The following RBMS3 variants were observed in gnomAD, a reference collection of about 807,000 sequenced individuals.
The protein encoded by RBMS3 is RNA binding motif single stranded interacting protein 3, also known as RNA-binding motif, single-stranded-interacting protein 3.
RBMS3 carries 27 observed loss-of-function variants against 66.8 expected under a neutral mutation model. That is an observed-to-expected ratio of 0.40 (90% confidence interval 0.30 to 0.56). The LOEUF is 0.56. Ranked by LOEUF, RBMS3 falls within the 20% of genes least tolerant of loss-of-function variation. The probability of loss-of-function intolerance (pLI) is 0.40; values close to 1 mark genes in which losing one functional copy is unlikely to be tolerated. For missense variants in RBMS3, 513 were observed against 549.5 expected (o/e 0.93, Z 0.66); for synonymous variants, 188 against 183.0 (o/e 1.03, Z -0.22).
In RBMS3 at chr3:29,727,549, G is replaced by C. The variant is rs150137166; in HGVS notation, c.400-12171G>C. Among the ~76,000 whole-genome samples the C allele has an allele frequency of 8.0e-3, 1,210 of 152,092 alleles. 19 individuals are homozygous for C. Among genetic ancestry groups the C allele is most frequent in the African/African-American group, 0.027 (1,140 of 41,490 alleles). ...CAACCCTATCAAAAAGTAGGCAAAG[G>C]ATATGAACAGACACTTCCCAAAAGA... On this transcript the variant is annotated intron_variant, in intron 4 of 14. Transcript: ENST00000383767.
intron 6 of RBMS3, among the ~76,000 whole-genome samples, chr3:29,789,726 A>C (rs1453938754): frequency 6.6e-6 from 1 of 152,074 alleles, no homozygotes; most frequent in Non-Finnish European, 1.5e-5. Flanking sequence ...TCTATTTTAC[A>C]ATAACTTTAA....
At chr3:29,519,020 C>T (rs1175441591) in intron 3 of RBMS3, among the ~76,000 whole-genome samples, 1 of 152,104 alleles carries the variant, frequency 6.6e-6, no homozygotes, top group Non-Finnish European at 1.5e-5. Context: ...AAATTCTGCG[C>T]TTTGAGTGTA....
At chr3:29,901,038 A>G (rs2060240779) in intron 10 of RBMS3, among the ~76,000 whole-genome samples, 1 of 151,800 alleles carries the variant, frequency 6.6e-6, no homozygotes, top group Non-Finnish European at 1.5e-5. Context: ...AGAATAAAAT[A>G]TATGTAGTTT....
At chr3:29,563,154 A>C (rs547039455) in intron 3 of RBMS3, among the ~76,000 whole-genome samples, 1 of 152,320 alleles carries the variant, frequency 6.6e-6, no homozygotes, top group East Asian at 1.9e-4. Context: ...GCCTTTTCCC[A>C]GTCATAATCT....
At chr3:29,413,010 G>A (rs1244249949) in intron 1 of RBMS3, among the ~76,000 whole-genome samples, 1 of 152,144 alleles carries the variant, frequency 6.6e-6, no homozygotes, top group Non-Finnish European at 1.5e-5. Flanking sequence ...AGGTTAGACG[G>A]CACTGAAAAG....
At chr3:29,532,348 C>T (rs2045396929) in intron 3 of RBMS3, among the ~76,000 whole-genome samples, 1 of 148,740 alleles carries the variant, frequency 6.7e-6, no homozygotes, top group South Asian at 2.1e-4. Context: ...AGACAAGAGT[C>T]CCTTGGACTA....
chr3:29,897,778 T>G (rs2060160468), intron 9 of RBMS3, among the ~76,000 whole-genome samples: 1 of 151,640 alleles, frequency 6.6e-6, no homozygotes, highest in Admixed American at 6.6e-5. Context: ...GTTTGTTGTC[T>G]GTTACTTTGT....
chr3:29,406,172 G>A (rs944677286), intron 1 of RBMS3, among the ~76,000 whole-genome samples: 1 of 152,104 alleles, frequency 6.6e-6, no homozygotes, highest in South Asian at 2.1e-4. Context: ...ATTCAGCATC[G>A]AGATCTGCTC....
chr3:29,872,540 A>G (rs74435926), intron 7 of RBMS3, among the ~76,000 whole-genome samples: 6,174 of 152,250 alleles, frequency 0.041, 166 homozygotes, highest in Non-Finnish European at 0.058. Context: ...CACTTTGAGA[A>G]CCACTGTCCT....
chr3:29,716,777 C>T (rs2053416110), intron 4 of RBMS3, among the ~76,000 whole-genome samples: 1 of 152,026 alleles, frequency 6.6e-6, no homozygotes, highest in South Asian at 2.1e-4. Flanking sequence ...GTTTCTGTCC[C>T]ACTTACGCTG....
intron 4 of RBMS3, among the ~76,000 whole-genome samples, chr3:29,732,929 G>T (rs962866200): frequency 1.3e-5 from 2 of 151,940 alleles, no homozygotes; most frequent in Admixed American, 1.3e-4. Context: ...TATCCCTTAT[G>T]ATATTGCTTA....
At chr3:29,686,882 T>A (rs2051756436) in intron 4 of RBMS3, among the ~76,000 whole-genome samples, 1 of 152,170 alleles carries the variant, frequency 6.6e-6, no homozygotes, top group Admixed American at 6.5e-5. Flanking sequence ...CTTAGGATTG[T>A]CAGAAATAAA....
chr3:29,882,494 G>C (rs549401206), intron 7 of RBMS3, among the ~76,000 whole-genome samples: 7 of 152,086 alleles, frequency 4.6e-5, no homozygotes, highest in Non-Finnish European at 2.9e-5. Context: ...GTTAACTTCT[G>C]ACAGTCATTT....
At chr3:29,530,145 C>T (rs1176733547) in intron 3 of RBMS3, among the ~76,000 whole-genome samples, 2 of 152,228 alleles carry the variant, frequency 1.3e-5, no homozygotes, top group African/African-American at 2.4e-5. Context: ...CTCATCTAAG[C>T]TGACCTATGT....
At chr3:29,839,077 G>A (rs1288058341) in intron 6 of RBMS3, among the ~76,000 whole-genome samples, 2 of 152,096 alleles carry the variant, frequency 1.3e-5, no homozygotes, top group Non-Finnish European at 2.9e-5. Flanking sequence ...ACAGTGTCAG[G>A]CATAATGAGT....
intron 4 of RBMS3, among the ~76,000 whole-genome samples, chr3:29,623,861 A>T (rs1332342826): frequency 1.3e-5 from 2 of 152,224 alleles, no homozygotes; most frequent in Admixed American, 1.3e-4. Context: ...ATGAAGTGTA[A>T]CATTTTCTCA....
At chr3:29,964,734 T>C (rs1696716633) in intron 12 of RBMS3, among the ~76,000 whole-genome samples, 1 of 152,204 alleles carries the variant, frequency 6.6e-6, no homozygotes, top group African/African-American at 2.4e-5. Flanking sequence ...ATTTTATTTT[T>C]CCATAAGTTA....
intron 2 of RBMS3, among the ~76,000 whole-genome samples, chr3:29,480,058 C>T (rs911580000): frequency 1.3e-5 from 2 of 152,122 alleles, no homozygotes; most frequent in African/African-American, 4.8e-5. Context: ...GATGATCATT[C>T]AGCATACAAG....
intron 14 of RBMS3, among the ~76,000 whole-genome samples, chr3:30,000,643 T>C (rs1367085457): frequency 1.3e-5 from 2 of 152,144 alleles, no homozygotes; most frequent in Non-Finnish European, 2.9e-5. Context: ...CCAACCCAAA[T>C]GCCCATTAAT....
Sources: gnomAD v4.1 joint callset for allele counts (sites outside exome capture counted in the v4.1 genomes callset) on GRCh38, gnomAD v4.1.1 for gene constraint, MANE v1.5 for transcripts, NCBI Gene and HGNC (gene_info 2026-07-23, HGNC 2026-07-21) for gene names.